Variants in CTNND1 observed in about 807,000 individuals in gnomAD.
CTNND1 encodes the protein catenin delta 1.
CTNND1 carries 16 observed loss-of-function variants against 112.1 expected under a neutral mutation model. The observed-to-expected ratio is 0.14, with a 90% CI of 0.10 to 0.22. The LOEUF (loss-of-function observed/expected upper bound fraction) is 0.22. CTNND1 is among the 10% of genes least tolerant of loss of function. The probability of loss-of-function intolerance (pLI) is 1.00; values close to 1 mark genes in which losing one functional copy is unlikely to be tolerated. For missense variants in CTNND1, 1,008 were observed against 1,257.0 expected (o/e 0.80, Z 3.00); for synonymous variants, 420 against 446.5 (o/e 0.94, Z 0.75).
intron 1 of CTNND1, among the ~76,000 whole-genome samples, chr11:57,767,541 T>C (rs1951410266): frequency 2.0e-5 from 3 of 152,160 alleles, no homozygotes; most frequent in African/African-American, 7.2e-5. Flanking sequence ...TTCCATAATA[T>C]GGTGAGGCAA....
Position 57,788,521 on chromosome 11 carries a change from G to A in CTNND1, c.-213-516G>A, listed in dbSNP as rs2060364929. Among the ~76,000 whole-genome samples, 1 of 152,170 alleles carries A rather than the reference G, an allele frequency of 6.6e-6. No individual in the cohort carries two copies. The highest frequency in any genetic ancestry group is 2.4e-5 in the African/African-American group (1 of 41,438). On this transcript the variant is annotated intron_variant, in intron 1 of 20. Coordinates refer to ENST00000399050, the MANE Select transcript of CTNND1 (RefSeq NM_001085458.2). This position sits in a 1 kb window ranked among gnomAD's most constrained non-coding sequence, Gnocchi z 4.1. The stretch of plus-strand genomic sequence containing the variant: ...CAAACAGGCCCGGGCATTTGTGCTT[G>A]GTGGGGCTCTGGGGAGCGTGGGAAA...
rs762844666 is a variant in CTNND1, at chr11:57,810,105, A to G, written c.2436-4A>G. On this transcript the variant is annotated splice_region_variant and splice_polypyrimidine_tract_variant and intron_variant, in intron 15 of 20. Transcript: ENST00000399050. ...ATTCCGTATGGTGTTACTTTCCTCC[A>G]AAGGAACCGCTCAGAAAAAGAAGTT... 4.4e-6 allele frequency: 7 copies of G among 1,605,140 alleles called. No homozygotes were observed. The highest frequency in any genetic ancestry group is 5.9e-6 in the Non-Finnish European group (7 of 1,176,806).
At chr11:57,786,742 C>A (rs2060181891) in intron 1 of CTNND1, among the ~76,000 whole-genome samples, 1 of 152,124 alleles carries the variant, frequency 6.6e-6, no homozygotes, top group Non-Finnish European at 1.5e-5. Context: ...TTCATTCTTT[C>A]CCCACTCATA....
At position 57,809,262 on chromosome 11, in the gene CTNND1, C is replaced by A; in HGVS notation, c.2243-12C>A. On this transcript the variant is annotated splice_polypyrimidine_tract_variant and intron_variant, in intron 14 of 20. Coordinates refer to ENST00000399050, the MANE Select transcript of CTNND1 (RefSeq NM_001085458.2). ...TTGATCTTTTCTCCCTGCATACATT[C>A]TTTCTTACTAGGTAAACATGCTATT... 6.2e-7 allele frequency: 1 copy of A among 1,605,184 alleles called. No homozygotes were observed. The highest frequency in any genetic ancestry group is 1.1e-5 in the South Asian group (1 of 90,608).
At chr11:57,764,440 A>G (rs148080510) in intron 1 of CTNND1, among the ~76,000 whole-genome samples, 2 of 152,280 alleles carry the variant, frequency 1.3e-5, no homozygotes, top group African/African-American at 4.8e-5. Context: ...GATGAATGAG[A>G]TAGGATGGAT....
rs187540299 is a variant in CTNND1 at position 57,789,526 on chromosome 11, C to T, written c.-95+371C>T. ...ACCCTCTAGATACTTGGATATTTAT[C>T]CTGAGTTGGAACAAATAAAAGGGTA... is the stretch of plus-strand genomic sequence containing the variant. On this transcript the variant is annotated intron_variant, in intron 2 of 20. Transcript: ENST00000399050. Among the ~76,000 whole-genome samples, 261 of 152,164 alleles carry T rather than the reference C, an allele frequency of 1.7e-3. 7 individuals are homozygous for T. Among genetic ancestry groups the T allele is most frequent in the Admixed American group, 0.015 (231 of 15,276 alleles).
At chr11:57,806,147 G>A in intron 10 of CTNND1, 112 bp downstream of exon 10, 3 of 1,376,216 alleles carry the variant, frequency 2.2e-6, no homozygotes, top group African/African-American at 1.5e-5. Flanking sequence ...GCCTGGTTAT[G>A]GATGTCTTTT....
At chr11:57,782,633 C>A (rs1436415727) in intron 1 of CTNND1, among the ~76,000 whole-genome samples, 1 of 152,186 alleles carries the variant, frequency 6.6e-6, no homozygotes, top group Admixed American at 6.5e-5. Context: ...AGGTTACAGT[C>A]TATTTCTACC....
chr11:57,774,913 A>C, intron 1 of CTNND1, among the ~76,000 whole-genome samples: 1 of 151,686 alleles, frequency 6.6e-6, no homozygotes. Context: ...GGGTTTTGCC[A>C]TGTTGGCCAG....
At chr11:57,786,491 C>T (rs1200575976) in intron 1 of CTNND1, among the ~76,000 whole-genome samples, 1 of 152,018 alleles carries the variant, frequency 6.6e-6, no homozygotes, top group East Asian at 1.9e-4. Flanking sequence ...TGAGATTGCA[C>T]CACAGCACTC....
chr11:57,818,350 T>C lies in CTNND1; in HGVS notation c.*2042T>C, dbSNP rs1331116497. The C allele has an allele frequency of 6.6e-6, 1 of 151,636 alleles. No individual in the cohort carries two copies. Among genetic ancestry groups the C allele is most frequent in the Non-Finnish European group, 1.5e-5 (1 of 68,038 alleles). The allele number at this position is 151,636 out of a possible 1,614,324, so 9.4% of individuals were successfully genotyped here. A position where few individuals can be genotyped will look rare whatever the true frequency, so the allele number is the denominator to read the frequency against. ...TCCCACCGAACACTACTAAGGGGCT[T>C]GTGTTCTGCTCCATACCTTTTCTCT... On this transcript the variant is annotated 3_prime_UTR_variant, in exon 21 of 21. Transcript: ENST00000399050.
chr11:57,806,227 TTGGTGGTGGTGGTGG>T (rs55957781), intron 10 of CTNND1, among the ~76,000 whole-genome samples, 192 bp downstream of exon 10: 3 of 150,024 alleles, frequency 2.0e-5, no homozygotes, highest in Non-Finnish European at 3.0e-5. Context: ...TTGTGATGTG[TTGGTGGTGGTGGTGG>T]TGGTGGTGGT....
In CTNND1 at chr11:57,805,841, T is replaced by C. The variant is rs751370941; in HGVS notation, c.1723-41T>C. 1.9e-6 allele frequency: 3 copies of C among 1,597,534 alleles called. No individual in the cohort carries two copies. The South Asian group carries it at 3.3e-5, about 18-fold the overall frequency. On this transcript the variant is annotated intron_variant, in intron 9 of 20. Transcript: ENST00000399050. ...ACCTGTACTTGTGGAGAAATCACAA[T>C]AGACATTCTTTTTTCTCATTGGCCC...
chr11:57,778,503 C>T (rs2059240382), intron 1 of CTNND1, among the ~76,000 whole-genome samples: 1 of 151,526 alleles, frequency 6.6e-6, no homozygotes, highest in South Asian at 2.1e-4. Flanking sequence ...TTCCCTCACC[C>T]CCTTCAAACT....
At chr11:57,777,971 G>T (rs2059186400) in intron 1 of CTNND1, among the ~76,000 whole-genome samples, 1 of 152,192 alleles carries the variant, frequency 6.6e-6, no homozygotes, top group African/African-American at 2.4e-5. Context: ...CTTGCAGTTA[G>T]TGGAGGACCT....
chr11:57,810,222 A>T lies in CTNND1; in HGVS notation c.2549A>T (p.Gln850Leu), dbSNP rs370186968. 2.5e-6 allele frequency: 4 copies of T among 1,599,138 alleles called. No homozygotes were observed. In the African/African-American group the frequency reaches 5.4e-5, roughly 22 times the overall value. The change falls in exon 16 of 21, where the codon CAG becomes CTG. Residue 850 changes from glutamine (Q) to leucine (L), a missense_variant and splice_region_variant. Physicochemically the swap from Gln to Leu is moderately radical, Grantham distance 113. Transcript: ENST00000399050. ...GAAGGATGGAAGAAATCAGACTTTC[A>T]GGTATAGTAACTTTTGAGACCAAGA... ...EKEGWKKSDF[Q>L]VNLNNASRSQ...
intron 1 of CTNND1, among the ~76,000 whole-genome samples, chr11:57,776,868 G>C (rs192472756): frequency 6.6e-6 from 1 of 152,258 alleles, no homozygotes; most frequent in African/African-American, 2.4e-5. Flanking sequence ...GGTGTGTTCA[G>C]TTCTCTGTCT....
intron 1 of CTNND1, chr11:57,781,637 AGGGATCC>A (rs2059593734): frequency 6.6e-6 from 1 of 152,288 alleles, no homozygotes. Context: ...AAGGTTGCAC[AGGGATCC>A]AGGTAAGTAA....
intron 1 of CTNND1, among the ~76,000 whole-genome samples, chr11:57,787,408 T>G (rs2060248905): frequency 6.6e-6 from 1 of 152,214 alleles, no homozygotes; most frequent in South Asian, 2.1e-4. Flanking sequence ...GCTGAGACAT[T>G]ACGGTGAAGT....
Sources: gnomAD v4.1 joint callset for allele counts (sites outside exome capture counted in the v4.1 genomes callset) on GRCh38, gnomAD v4.1.1 for gene constraint, Gnocchi (gnomAD v3.1) non-coding constraint, MANE v1.5 for transcripts, NCBI Gene and HGNC (gene_info 2026-07-23, HGNC 2026-07-21) for gene names.